PIK3CA: variants seen among roughly 807,000 people sequenced by gnomAD.
PIK3CA encodes phosphatidylinositol 4,5-bisphosphate 3-kinase catalytic subunit alpha isoform.
Under a neutral mutation model 138.2 loss-of-function variants are expected in PIK3CA, and 27 were observed. The observed-to-expected ratio is 0.20, with a 90% CI of 0.14 to 0.27. PIK3CA has a LOEUF of 0.27. PIK3CA is among the 10% of genes least tolerant of loss of function. PIK3CA has a pLI of 1.00. For missense variants in PIK3CA, 544 were observed against 1,277.4 expected, an observed-to-expected ratio of 0.43 and a Z score of 8.75; for synonymous variants, 358 against 413.2, an observed-to-expected ratio of 0.87 and a Z score of 1.62.
chr3:179,214,129 T>A (rs188864593), intron 9 of PIK3CA, among the ~76,000 whole-genome samples: 1 of 152,240 alleles, frequency 6.6e-6, no homozygotes. Flanking sequence ...AAGGCTGTTT[T>A]GTTTTCTTAT....
At chr3:179,225,591 T>G (rs1480467965) in intron 16 of PIK3CA, among the ~76,000 whole-genome samples, 2 of 152,154 alleles carry the variant, frequency 1.3e-5, no homozygotes, top group Non-Finnish European at 2.9e-5. Context: ...TCAAATATGT[T>G]TATGCAAAGA....
At chr3:179,228,048 A>C (rs1053338308) in intron 17 of PIK3CA, among the ~76,000 whole-genome samples, 3 of 152,120 alleles carry the variant, frequency 2.0e-5, no homozygotes, top group Non-Finnish European at 4.4e-5. Context: ...TATTTGGCAG[A>C]CATTTTCTTG....
chr3:179,174,375 C>G (rs1281771308), intron 1 of PIK3CA, among the ~76,000 whole-genome samples: 1 of 152,080 alleles, frequency 6.6e-6, no homozygotes, highest in Non-Finnish European at 1.5e-5. Context: ...GAGGCTAAGG[C>G]AGGAGAATAG....
chr3:179,209,527 G>A (rs1724654480), intron 6 of PIK3CA, 68 bp from the exon 7 acceptor site: 3 of 822,092 alleles, frequency 3.6e-6, no homozygotes, highest in Non-Finnish European at 3.8e-6. Flanking sequence ...GTGATTTGTA[G>A]GAGTCATTTA....
At position 179,195,072 on chromosome 3, in the gene PIK3CA, G is replaced by A. The variant is rs1304382154; in HGVS notation, c.-76-3678G>A. On this transcript the variant is annotated intron_variant, in intron 1 of 20. Transcript: ENST00000263967. ...ATAACAAGGGATTCCTGACACCTAC[G>A]CTGTAGATAGCTATAACATTTCAAT... 2.7e-5 allele frequency among the ~76,000 whole-genome samples: 4 copies of A among 150,216 alleles called. No homozygotes were observed. In the East Asian group the frequency reaches 5.9e-4, roughly 22 times the overall value.
chr3:179,238,570 TAA>T lies in PIK3CA; in HGVS notation c.*4208_*4209del. The T allele has an allele frequency of 4.6e-6, 1 of 219,542 alleles. No homozygotes were observed. Among genetic ancestry groups the T allele is most frequent in the South Asian group, 1.9e-4 (1 of 5,398 alleles). The allele number at this position is 219,542 out of a possible 1,614,324, so 13.6% of individuals were successfully genotyped here. A position where few individuals can be genotyped will look rare whatever the true frequency, so the allele number is the denominator to read the frequency against. The stretch of plus-strand genomic sequence containing the variant: ...TGCAGATCACTGAATTTTAGATTTA[TAA>T]AGTCAGAGTTGGCATGCCTTGTTTT... On this transcript the variant is annotated 3_prime_UTR_variant, in exon 21 of 21. Transcript: ENST00000263967.
At chr3:179,177,312 C>CTTTTTTT (rs11328702) in intron 1 of PIK3CA, among the ~76,000 whole-genome samples, 5 of 91,042 alleles carry the variant, frequency 5.5e-5, no homozygotes, top group Admixed American at 1.1e-4. Flanking sequence ...ATTCTCTTTT[C>CTTTTTTT]TTTTTTTTTT....
At chr3:179,231,275 A>G (rs1725204854) in intron 20 of PIK3CA, among the ~76,000 whole-genome samples, 1 of 152,156 alleles carries the variant, frequency 6.6e-6, no homozygotes, top group African/African-American at 2.4e-5. Context: ...TACGATATGC[A>G]TGCAGATGCC....
rs2108422506 is a variant in PIK3CA, at chr3:179,229,301, G to C, written c.2525G>C (p.Gly842Ala). 3.7e-6 allele frequency: 6 copies of C among 1,612,534 alleles called. No individual in the cohort carries two copies. The highest frequency in any genetic ancestry group is 5.1e-6 in the Non-Finnish European group (6 of 1,179,238). ...RMLPYGCLSIGDCVGLIEVVR... is the reference protein window; with the variant it reads ...RMLPYGCLSIADCVGLIEVVR... The stretch of plus-strand genomic sequence containing the variant: ...TTACCTTATGGTTGTCTGTCAATCG[G>C]TGACTGTGTGGGACTTATTGAGGTG... The change falls in exon 18 of 21, where the codon GGT becomes GCT. Residue 842 changes from glycine to alanine, a missense_variant. Gly to Ala is a moderately conservative substitution (Grantham distance 60). Coordinates refer to ENST00000263967, the MANE Select transcript of PIK3CA (RefSeq NM_006218.4).
At chr3:179,152,693 A>G (rs1027190908) in intron 1 of PIK3CA, among the ~76,000 whole-genome samples, 24 of 152,300 alleles carry the variant, frequency 1.6e-4, no homozygotes, top group African/African-American at 5.8e-4. Flanking sequence ...CTTATCTGAG[A>G]TAACAGAAGG....
chr3:179,184,674 G>T (rs1387332541), intron 1 of PIK3CA, among the ~76,000 whole-genome samples: 1 of 152,150 alleles, frequency 6.6e-6, no homozygotes, highest in Admixed American at 6.5e-5. Flanking sequence ...TTATTTATTG[G>T]ACCAGCCTAG....
intron 2 of PIK3CA, 124 bp from the exon 3 acceptor site, chr3:179,199,566 C>G (rs761501142): frequency 4.7e-6 from 3 of 632,840 alleles, no homozygotes; most frequent in East Asian, 2.8e-5. Context: ...TTGTTTTAAC[C>G]TAGCGGTACT....
Position 179,219,715 on chromosome 3 carries a change from T to C in PIK3CA, c.1891T>C (p.Tyr631His), listed in dbSNP as rs2108411225. ...TTTAACAGATGACAAACTTTCTCAG[T>C]ATTTAATTCAGCTAGTACAGGTAAA... ...KYLTDDKLSQ[Y>H]LIQLVQVLKY... Residue 631 changes from tyrosine (Y) to histidine (H), a missense_variant, in exon 12 of 21, where the codon TAT becomes CAT. Transcript: ENST00000263967. The surrounding 1 kb of genome is among the most constrained non-coding windows in gnomAD (Gnocchi z 4.2). The C allele has an allele frequency of 6.2e-7, 1 of 1,604,498 alleles. No homozygotes were observed. Among genetic ancestry groups the C allele is most frequent in the Non-Finnish European group, 8.5e-7 (1 of 1,172,274 alleles).
intron 1 of PIK3CA, among the ~76,000 whole-genome samples, chr3:179,198,322 A>C (rs74835970): frequency 3.6e-4 from 55 of 152,348 alleles, no homozygotes; most frequent in African/African-American, 1.3e-3. Flanking sequence ...TTAAAATAAG[A>C]GCAGTGGACC....
At chr3:179,212,129 T>A (rs1724728552) in intron 9 of PIK3CA, among the ~76,000 whole-genome samples, 1 of 151,824 alleles carries the variant, frequency 6.6e-6, no homozygotes, top group African/African-American at 2.4e-5. Flanking sequence ...TGCCTCAGCC[T>A]CCTGAGTAGC....
At chr3:179,202,274 T>C (rs1423986048) in intron 4 of PIK3CA, among the ~76,000 whole-genome samples, 1 of 152,070 alleles carries the variant, frequency 6.6e-6, no homozygotes, top group Non-Finnish European at 1.5e-5. Context: ...GAGTCTCATA[T>C]TGTCCAGGTT....
At chr3:179,177,782 C>T (rs985983395) in intron 1 of PIK3CA, among the ~76,000 whole-genome samples, 11 of 152,100 alleles carry the variant, frequency 7.2e-5, no homozygotes, top group African/African-American at 2.7e-4. Context: ...GGACAGGACA[C>T]AGCACTAATC....
rs1187378050 is a variant in PIK3CA, at chr3:179,234,639, G to A, written c.*275G>A. 2 of 295,652 alleles carry A rather than the reference G, an allele frequency of 6.8e-6. No homozygotes were observed. Among genetic ancestry groups the A allele is most frequent in the East Asian group, 5.0e-5 (1 of 20,096 alleles). 18.3% of individuals were successfully genotyped at this position (295,652 alleles called of 1,614,324 possible). A position where few individuals can be genotyped will look rare whatever the true frequency, so the allele number is the denominator to read the frequency against. On this transcript the variant is annotated 3_prime_UTR_variant, in exon 21 of 21. Coordinates refer to ENST00000263967, the MANE Select transcript of PIK3CA (RefSeq NM_006218.4). This position sits in a 1 kb window ranked among gnomAD's most constrained non-coding sequence, Gnocchi z 5.1. ...TCCAAAAAGGTAAACTTTGAAGATTGTTTGTATCTTTTTTTAAAAAACAAA... is the reference window on the plus strand; with the variant it reads ...TCCAAAAAGGTAAACTTTGAAGATTATTTGTATCTTTTTTTAAAAAACAAA...
chr3:179,218,250 A>G lies in PIK3CA; in HGVS notation c.1580A>G (p.Asp527Gly), dbSNP rs1302938521. The G allele has an allele frequency of 9.9e-6, 16 of 1,610,266 alleles. No homozygotes were observed. Among genetic ancestry groups the G allele is most frequent in the Non-Finnish European group, 1.4e-5 (16 of 1,177,710 alleles). ...AGAGACAATGAATTAAGGGAAAATG[A>G]CAAAGAACAGCTCAAAGCAATTTCT... ...LARDNELREN[D>G]KEQLKAISTR... The change falls in exon 10 of 21, where the codon GAC becomes GGC. Residue 527 changes from aspartate (D) to glycine (G), a missense_variant. By Grantham distance (94) the Asp-to-Gly change is moderately conservative (BLOSUM62 -1). Around this residue, in one of 14 missense-constraint regions of PIK3CA, gnomAD observed 52 missense variants for 83.4 expected, o/e 0.62. Transcript: ENST00000263967.
Sources: allele counts gnomAD v4.1 joint callset (sites outside exome capture counted in the v4.1 genomes callset), GRCh38; gene constraint gnomAD v4.1.1; regional missense constraint gnomAD v4.1.1; non-coding constraint Gnocchi (gnomAD v3.1); transcripts MANE v1.5; gene names NCBI Gene and HGNC (gene_info 2026-07-23, HGNC 2026-07-21).